GPHN: variants seen among roughly 807,000 people sequenced by gnomAD.
GPHN encodes gephyrin.
In GPHN, 17 loss-of-function variants were observed where a neutral mutation model predicts 95.5. The ratio of observed to expected loss-of-function variants is 0.18; its 90% CI spans 0.12 to 0.27. The LOEUF is 0.27. Ranked by LOEUF, GPHN falls within the 10% of genes least tolerant of loss-of-function variation. GPHN has a pLI of 1.00. For missense variants in GPHN, 660 were observed against 978.1 expected (o/e 0.67, Z 4.34); for synonymous variants, 320 against 322.5 (o/e 0.99, Z 0.08).
the GPHN span, among the ~76,000 whole-genome samples, chr14:67,234,213 A>C: frequency 6.6e-6 from 1 of 152,238 alleles, no homozygotes; most frequent in East Asian, 1.9e-4. Context: ...CAATTGACAG[A>C]GCTGGGATTC....
In GPHN at chr14:66,818,828, G is replaced by T. The variant is rs146475195; in HGVS notation, c.202-5646G>T. Among the ~76,000 whole-genome samples, 695 of 152,094 alleles carry T rather than the reference G, an allele frequency of 4.6e-3. 5 individuals carry two copies. The highest frequency in any genetic ancestry group is 0.014 in the Middle Eastern group (4 of 294). ...AGATGATATCTCGTTGTTTTGATTT[G>T]CATTTTGCTAATCAGTGATGTTGAG... On this transcript the variant is annotated intron_variant, in intron 3 of 22. Transcript: ENST00000478722.
chr14:67,303,655 G>C, the GPHN span: 15 of 1,232,266 alleles, frequency 1.2e-5, no homozygotes, highest in Non-Finnish European at 1.6e-5. Context: ...GTTTACTTCT[G>C]TTACTGTTTA....
intron 11 of GPHN, 39 bp from the exon 12 acceptor site, chr14:67,088,944 T>G: frequency 1.8e-6 from 2 of 1,140,338 alleles, no homozygotes; most frequent in Non-Finnish European, 2.7e-6. Context: ...TACCCATTGC[T>G]CTCCATATTT....
intron 8 of GPHN, among the ~76,000 whole-genome samples, chr14:66,940,521 G>A (rs1456677981): frequency 6.6e-6 from 1 of 152,160 alleles, no homozygotes; most frequent in Admixed American, 6.5e-5. Context: ...GGAGCTAAGG[G>A]GTGGGAGGTA....
intron 4 of GPHN, among the ~76,000 whole-genome samples, chr14:66,874,478 C>A (rs773628726): frequency 5.9e-5 from 9 of 152,102 alleles, no homozygotes; most frequent in Middle Eastern, 3.2e-3. Context: ...GGAGCATGTT[C>A]TAACCCAATG....
At chr14:67,075,800 C>T (rs1038475570) in intron 11 of GPHN, among the ~76,000 whole-genome samples, 6 of 152,116 alleles carry the variant, frequency 3.9e-5, no homozygotes, top group African/African-American at 7.2e-5. Context: ...TTGCTGCAAT[C>T]TCATGATGAA....
At chr14:66,512,019 GA>G (rs777546186) in intron 1 of GPHN, among the ~76,000 whole-genome samples, 2 of 151,880 alleles carry the variant, frequency 1.3e-5, no homozygotes, top group Non-Finnish European at 2.9e-5. Flanking sequence ...GGTCTAGTTT[GA>G]AATATTTCTG....
intron 1 of GPHN, among the ~76,000 whole-genome samples, chr14:66,542,355 C>T (rs1420976115): frequency 6.6e-6 from 1 of 152,134 alleles, no homozygotes; most frequent in African/African-American, 2.4e-5. Flanking sequence ...ATCAGACCTT[C>T]CAACATCTCA....
intron 2 of GPHN, among the ~76,000 whole-genome samples, chr14:66,743,037 A>T (rs1375547179): frequency 6.6e-6 from 1 of 152,060 alleles, no homozygotes; most frequent in Non-Finnish European, 1.5e-5. Flanking sequence ...AGTTGGAGTT[A>T]GGACTGTTGT....
chr14:67,399,714 G>C, the GPHN span, among the ~76,000 whole-genome samples: 1 of 130,960 alleles, frequency 7.6e-6, no homozygotes, highest in Non-Finnish European at 1.5e-5. Context: ...TAAAGAGAAG[G>C]GTGGTTTAGG....
At chr14:67,346,852 C>T in the GPHN span, among the ~76,000 whole-genome samples, 5 of 152,106 alleles carry the variant, frequency 3.3e-5, no homozygotes, top group Admixed American at 2.0e-4. Context: ...AAAAACAACA[C>T]AGAAGTCTAA....
At chr14:66,988,813 A>G (rs1567184715) in intron 9 of GPHN, among the ~76,000 whole-genome samples, 1 of 152,072 alleles carries the variant, frequency 6.6e-6, no homozygotes, top group Non-Finnish European at 1.5e-5. Flanking sequence ...TAGCAGAAGA[A>G]AAACTAAATT....
At chr14:67,134,668 A>G (rs2079932656) in intron 17 of GPHN, among the ~76,000 whole-genome samples, 1 of 152,242 alleles carries the variant, frequency 6.6e-6, no homozygotes, top group East Asian at 1.9e-4. Flanking sequence ...ATACTGCTGC[A>G]TCACCTTTAC....
chr14:67,603,996 G>GT, the GPHN span, among the ~76,000 whole-genome samples: 7 of 150,234 alleles, frequency 4.7e-5, no homozygotes, highest in South Asian at 2.1e-4. Context: ...CTTGTTTTTT[G>GT]TTTTTGTTTT....
chr14:67,347,275 G>T, the GPHN span: 1 of 714,044 alleles, frequency 1.4e-6, no homozygotes, highest in South Asian at 1.9e-5. Flanking sequence ...CTATTGTCCT[G>T]ACTATATCAA....
the GPHN span, chr14:67,572,294 G>A: frequency 6.3e-6 from 10 of 1,575,428 alleles, no homozygotes; most frequent in East Asian, 4.6e-5. Flanking sequence ...CGGGAAACGG[G>A]CGGGGGCAGG....
At chr14:67,226,757 T>C in the GPHN span, among the ~76,000 whole-genome samples, 3 of 152,288 alleles carry the variant, frequency 2.0e-5, no homozygotes, top group African/African-American at 7.2e-5. Context: ...ACAACAAATG[T>C]CCACACTCCA....
chr14:67,390,568 G>T, the GPHN span: 1 of 868,088 alleles, frequency 1.2e-6, no homozygotes. Context: ...GCCAGGGGAA[G>T]GCAGGATATC....
the GPHN span, among the ~76,000 whole-genome samples, chr14:67,476,837 C>T: frequency 9.1e-4 from 138 of 151,908 alleles, 2 homozygotes; most frequent in East Asian, 0.021. Context: ...CAAAAATGCT[C>T]GATAGTGGCT....
Sources: gnomAD v4.1 joint callset for allele counts (sites outside exome capture counted in the v4.1 genomes callset) on GRCh38, gnomAD v4.1.1 for gene constraint, MANE v1.5 for transcripts, NCBI Gene and HGNC (gene_info 2026-07-23, HGNC 2026-07-21) for gene names.